Variants in DST observed in about 807,000 individuals in gnomAD.
DST encodes the protein bullous pemphigoid antigen.
Under a neutral mutation model 875.2 loss-of-function variants are expected in DST, and 253 were observed. The ratio of observed to expected loss-of-function variants is 0.29; its 90% confidence interval spans 0.26 to 0.32. The LOEUF (loss-of-function observed/expected upper bound fraction) is 0.32. Ranked by LOEUF, DST falls within the 10% of genes least tolerant of loss-of-function variation. The pLI is 1.00. For synonymous variants in DST, 3,124 were observed against 3,197.1 expected, an observed-to-expected ratio of 0.98 and a Z score of 0.77; for missense variants, 8,287 against 9,111.6, an observed-to-expected ratio of 0.91 and a Z score of 3.68.
chr6:56,768,313 G>A (rs137869001), intron 4 of DST, among the ~76,000 whole-genome samples: 33 of 152,202 alleles, frequency 2.2e-4, no homozygotes, highest in African/African-American at 6.5e-4. Context: ...TACAGTTGTC[G>A]AAACAGTGTG....
intron 5 of DST, among the ~76,000 whole-genome samples, chr6:56,722,122 A>C (rs1383661498): frequency 6.6e-6 from 1 of 152,216 alleles, no homozygotes; most frequent in Non-Finnish European, 1.5e-5. Flanking sequence ...TTAACAAAAA[A>C]AAAAAGGTCA....
rs757364222 is a variant in DST at position 56,530,089 on chromosome 6, T to C, written c.17153A>G (p.His5718Arg). ...CTCGTTCAGTGGTTCTAAGGTTTCA[T>C]GAAATTGCTGTGCTACCACCGAGAT... is the stretch of plus-strand genomic sequence containing the variant. ...EGISVVAQQF[H>R]ETLEPLNEWL... The change falls in exon 65 of 104, where the codon CAT (histidine) becomes CGT (arginine). Residue 5718 changes from histidine (H) to arginine (R), a missense_variant. Around this residue, in one of 10 missense-constraint regions of DST, gnomAD observed 777 missense variants for 764.8 expected, o/e 1.02. Transcript: ENST00000680361. 2.5e-6 allele frequency: 4 copies of C among 1,610,880 alleles called. No homozygotes were observed. The highest frequency in any genetic ancestry group is 1.7e-5 in the Admixed American group (1 of 59,444).
intron 4 of DST, among the ~76,000 whole-genome samples, chr6:56,785,346 A>G (rs1198897941): frequency 6.6e-6 from 1 of 152,144 alleles, no homozygotes; most frequent in Admixed American, 6.5e-5. Flanking sequence ...GGCCTCCTTG[A>G]GCTGTGGTGG....
At chr6:56,860,867 T>C (rs1385998345) in intron 3 of DST, among the ~76,000 whole-genome samples, 2 of 152,210 alleles carry the variant, frequency 1.3e-5, no homozygotes, top group Non-Finnish European at 2.9e-5. Context: ...GCTTGGTTGT[T>C]AAACCTCCTT....
chr6:56,668,359 C>T (rs912297585), intron 10 of DST, among the ~76,000 whole-genome samples: 2 of 152,036 alleles, frequency 1.3e-5, no homozygotes, highest in Non-Finnish European at 2.9e-5. Flanking sequence ...TTTTTCTTTT[C>T]GATTCAGCAA....
chr6:56,603,057 TTA>T, intron 42 of DST, 26 bp from the exon 43 acceptor site: 2 of 1,553,268 alleles, frequency 1.3e-6, no homozygotes, highest in Non-Finnish European at 1.7e-6. Flanking sequence ...GTGCATTCAG[TTA>T]TCTTTCCCCA....
At chr6:56,591,802 G>A (rs1022340572) in intron 49 of DST, among the ~76,000 whole-genome samples, 79 of 151,682 alleles carry the variant, frequency 5.2e-4, no homozygotes, top group African/African-American at 1.7e-3. Flanking sequence ...GCGAAACCCC[G>A]TCTCTACTAA....
chr6:56,851,805 G>C (rs1390372998), intron 3 of DST: 1 of 1,551,654 alleles, frequency 6.4e-7, no homozygotes, highest in Non-Finnish European at 8.7e-7. Context: ...TCTTGGCCAA[G>C]TCTCCAATCG....
chr6:56,588,385 T>C (rs2098204675), intron 49 of DST, among the ~76,000 whole-genome samples: 6 of 152,202 alleles, frequency 3.9e-5, no homozygotes, highest in Admixed American at 3.3e-4. Context: ...CTTCTTCACC[T>C]TTTAATACTC....
At chr6:56,886,161 T>C in intron 3 of DST, among the ~76,000 whole-genome samples, 1 of 152,210 alleles carries the variant, frequency 6.6e-6, no homozygotes, top group Middle Eastern at 3.2e-3. Flanking sequence ...TACTGAATAA[T>C]TCCTCCAGTC....
At chr6:56,481,077 G>A in intron 90 of DST, among the ~76,000 whole-genome samples, 1 of 152,080 alleles carries the variant, frequency 6.6e-6, no homozygotes, top group East Asian at 1.9e-4. Context: ...TGCTATGCAA[G>A]CTTGTACCAC....
At chr6:56,562,297 C>CTGTTGAAA (rs79573569) in intron 55 of DST, 97 bp from the exon 56 acceptor site, 1 of 734,252 alleles carries the variant, frequency 1.4e-6, no homozygotes, top group Non-Finnish European at 2.1e-6. Flanking sequence ...ACAGTAATCA[C>CTGTTGAAA]ACATAAAACA....
chr6:56,478,082 GAT>G (rs1299069190), intron 90 of DST, among the ~76,000 whole-genome samples: 2 of 152,054 alleles, frequency 1.3e-5, no homozygotes, highest in Non-Finnish European at 2.9e-5. Context: ...CCCAAATTTA[GAT>G]ATAATTATGT....
At position 56,529,787 on chromosome 6, in the gene DST, TA is replaced by T. The variant is rs1182921446; in HGVS notation, c.17269-14del. 6.7e-7 allele frequency: 1 copy of T among 1,501,468 alleles called. No individual in the cohort carries two copies. Among genetic ancestry groups the T allele is most frequent in the Non-Finnish European group, 8.9e-7 (1 of 1,128,182 alleles). 93.0% of individuals were successfully genotyped at this position (1,501,468 alleles called of 1,614,324 possible). On this transcript the variant is annotated splice_polypyrimidine_tract_variant and intron_variant, in intron 65 of 103. Coordinates refer to ENST00000680361, the MANE Select transcript of DST (RefSeq NM_001374736.1). ...CATCTTCTAAGGCCTAAGCAAAGTT[TA>T]AAAAAATAAAGAAGAAAAACAAAAA...
At chr6:56,951,774 C>G (rs1173862818) in intron 2 of DST, among the ~76,000 whole-genome samples, 1 of 152,102 alleles carries the variant, frequency 6.6e-6, no homozygotes, top group Non-Finnish European at 1.5e-5. Context: ...AAACCGAATC[C>G]ATTTTGTTTC....
chr6:56,667,275 T>C (rs1027380798), intron 10 of DST, among the ~76,000 whole-genome samples: 2 of 152,258 alleles, frequency 1.3e-5, no homozygotes, highest in African/African-American at 4.8e-5. Context: ...TGGTGATATT[T>C]TGATTGTTTA....
chr6:56,686,429 G>A (rs994998298), intron 9 of DST, among the ~76,000 whole-genome samples: 2 of 152,172 alleles, frequency 1.3e-5, no homozygotes, highest in Admixed American at 6.5e-5. Flanking sequence ...TGTACCCACT[G>A]AATCTTAAAT....
chr6:56,921,150 T>C (rs2127740129), intron 2 of DST, among the ~76,000 whole-genome samples: 1 of 152,216 alleles, frequency 6.6e-6, no homozygotes. Context: ...GAAAGAGCGT[T>C]TCAAAAATAT....
Position 56,634,228 on chromosome 6 carries a change from A to G in DST, c.3525T>C (p.Thr1175=), listed in dbSNP as rs1162505353. Reference sequence around the variant, plus strand: ...TGTTTATGTGAGACTCATGCCAAAGAGTCAGGACATTCTGATACTGTTGCT... The same window carrying G: ...TGTTTATGTGAGACTCATGCCAAAGGGTCAGGACATTCTGATACTGTTGCT... ...RIEQQYQNVL[T]LWHESHINMK... The change falls in exon 27 of 104, where the codon ACT becomes ACC. Residue 1175 remains threonine, a synonymous_variant. Transcript: ENST00000680361. The G allele has an allele frequency of 2.5e-6, 4 of 1,613,756 alleles. No homozygotes were observed. The African/African-American group carries it at 4.0e-5, about 16-fold the overall frequency.
Sources: gnomAD v4.1 joint callset for allele counts (sites outside exome capture counted in the v4.1 genomes callset) on GRCh38, gnomAD v4.1.1 for gene constraint, gnomAD v4.1.1 regional missense constraint, MANE v1.5 for transcripts, NCBI Gene and HGNC (gene_info 2026-07-23, HGNC 2026-07-21) for gene names.